The following PLXNA1 variants were observed in gnomAD, a reference collection of about 807,000 sequenced individuals.
The protein encoded by PLXNA1 is plexin A1, also known as plexin-A1.
PLXNA1 carries 77 observed loss-of-function variants against 191.7 expected under a neutral mutation model. The ratio of observed to expected loss-of-function variants is 0.40; its 90% confidence interval spans 0.33 to 0.49. The LOEUF (loss-of-function observed/expected upper bound fraction) is 0.49. Among genes scored for constraint, PLXNA1 ranks in the 20% least tolerant of loss-of-function variants. PLXNA1 has a pLI of 0.63. For synonymous variants in PLXNA1, 1,137 were observed against 1,156.4 expected, an observed-to-expected ratio of 0.98 and a Z score of 0.34; for missense variants, 2,110 against 2,660.2, an observed-to-expected ratio of 0.79 and a Z score of 4.55.
At chr3:127,020,592 C>T (rs2079147540) in intron 21 of PLXNA1, among the ~76,000 whole-genome samples, 1 of 152,178 alleles carries the variant, frequency 6.6e-6, no homozygotes, top group African/African-American at 2.4e-5. Context: ...CACGGCTCTG[C>T]TCCATAAAGT....
In PLXNA1 at chr3:127,030,607, C is replaced by T. The variant is rs924238207; in HGVS notation, c.5231+195C>T. 3.9e-5 allele frequency among the ~76,000 whole-genome samples: 6 copies of T among 152,328 alleles called. 1 individual carries two copies. The South Asian group carries it at 6.2e-4, about 16-fold the overall frequency. On this transcript the variant is annotated intron_variant, in intron 29 of 31. Transcript: ENST00000393409. ...TGCCTGTGCCCCTTGACCCACGGCTCGCCCTCTGCTCCAGCCGCTGAGCCC... is the reference window on the plus strand; with the variant it reads ...TGCCTGTGCCCCTTGACCCACGGCTTGCCCTCTGCTCCAGCCGCTGAGCCC...
At position 126,985,526 on chromosome 3, in the gene PLXNA1, C is replaced by T. The variant is rs1176316474; in HGVS notation, c.-74+2239C>T. Among the ~76,000 whole-genome samples, 3 of 152,040 alleles carry T rather than the reference C, an allele frequency of 2.0e-5. No homozygotes were observed. In the East Asian group the frequency reaches 5.8e-4, roughly 29 times the overall value. The stretch of plus-strand genomic sequence containing the variant: ...ACCCCCACCACGAATGCCCACCCTC[C>T]TGCACCAGCTCCCAGGCTACCTGGT... On this transcript the variant is annotated intron_variant, in intron 1 of 31. Transcript: ENST00000393409.
At chr3:127,015,973 G>A (rs2079120995) in intron 15 of PLXNA1, among the ~76,000 whole-genome samples, 1 of 152,190 alleles carries the variant, frequency 6.6e-6, no homozygotes, top group Admixed American at 6.5e-5. Context: ...GAGGGAAGGT[G>A]TCTGCCTGGC....
chr3:127,020,177 C>T (rs1410560542), intron 20 of PLXNA1, 25 bp from the exon 21 acceptor site: 1 of 1,609,960 alleles, frequency 6.2e-7, no homozygotes, highest in Non-Finnish European at 8.5e-7. Flanking sequence ...GGGCATGCTG[C>T]CCCTGACGCC....
intron 3 of PLXNA1, among the ~76,000 whole-genome samples, chr3:126,999,353 CCTT>C (rs2079028954): frequency 6.6e-6 from 1 of 152,218 alleles, no homozygotes; most frequent in African/African-American, 2.4e-5. Flanking sequence ...CTTGTCCTGT[CCTT>C]CTCCCAGCCC....
At chr3:127,013,483 C>T (rs921358866) in intron 10 of PLXNA1, among the ~76,000 whole-genome samples, 3 of 152,208 alleles carry the variant, frequency 2.0e-5, no homozygotes, top group Admixed American at 1.3e-4. Flanking sequence ...GAGTCCTAGC[C>T]AGGCTCCCGG....
In PLXNA1 at chr3:127,022,856, G is replaced by T. The variant is rs568049595; in HGVS notation, c.4362+38G>T. On this transcript the variant is annotated intron_variant, in intron 23 of 31. Coordinates refer to ENST00000393409, the MANE Select transcript of PLXNA1 (RefSeq NM_032242.4). ...GGGAGGAAGCAGGTGTCAGAGGCAG[G>T]TGAACAGCGGGAGGGGAAAACGGAG... is the stretch of plus-strand genomic sequence containing the variant. The T allele has an allele frequency of 4.7e-5, 73 of 1,543,428 alleles. No homozygotes were observed. The Admixed American group carries it at 5.5e-4, about 12-fold the overall frequency.
rs1176765549 is a variant in PLXNA1 at position 127,016,657 on chromosome 3, G to A, written c.3155G>A (p.Arg1052Lys). The change falls in exon 16 of 32, where the codon AGG becomes AAG. Residue 1052 changes from arginine (R) to lysine (K), a missense_variant. Physicochemically the swap from Arg to Lys is conservative, Grantham distance 26. Around this residue, in one of 4 missense-constraint regions of PLXNA1, gnomAD observed 644 missense variants for 714.3 expected, o/e 0.90. Coordinates refer to ENST00000393409, the MANE Select transcript of PLXNA1 (RefSeq NM_032242.4). ...YNYTEDPTILRIDPEWSINSG... is the reference protein window; with the variant it reads ...YNYTEDPTILKIDPEWSINSG... ...TACACCGAGGACCCCACCATCCTGA[G>A]GATCGACCCCGAGTGGAGCATCAAC... The A allele has an allele frequency of 1.2e-6, 2 of 1,614,014 alleles. No homozygotes were observed. The highest frequency in any genetic ancestry group is 1.1e-5 in the South Asian group (1 of 91,084).
Position 127,017,679 on chromosome 3 carries a change from C to T in PLXNA1, c.3516+15C>T, listed in dbSNP as rs144259849. On this transcript the variant is annotated intron_variant, in intron 18 of 31. Transcript: ENST00000393409. ...TCATCCTCAAGGTGGGTCACCATTG[C>T]CCGTAGGCTGGGCCAAGCCAGGGAA... 51 of 1,613,262 alleles carry T rather than the reference C, an allele frequency of 3.2e-5. 2 individuals are homozygous for T. The Middle Eastern group carries it at 6.6e-4, about 21-fold the overall frequency.
chr3:127,029,905 C>G lies in PLXNA1; in HGVS notation c.4902C>G (p.Asp1634Glu). The change falls in exon 28 of 32, where the codon GAC becomes GAG. Residue 1634 changes from aspartate (D) to glutamate (E), a missense_variant. Asp to Glu is a conservative substitution (Grantham distance 45). Around this residue, in one of 4 missense-constraint regions of PLXNA1, gnomAD observed 559 missense variants for 911.5 expected, o/e 0.61. Coordinates refer to ENST00000393409, the MANE Select transcript of PLXNA1 (RefSeq NM_032242.4). Reference sequence around the variant, plus strand: ...TGCTGCGCACGGCCAGCAGCCCCGACAGCCTGCGCTCGCGCACGCCCATGA... The same window carrying G: ...TGCTGCGCACGGCCAGCAGCCCCGAGAGCCTGCGCTCGCGCACGCCCATGA... ...ESMLRTASSPDSLRSRTPMIT... is the reference protein window; with the variant it reads ...ESMLRTASSPESLRSRTPMIT... 6.2e-7 allele frequency: 1 copy of G among 1,611,984 alleles called. No homozygotes were observed. The highest frequency in any genetic ancestry group is 8.5e-7 in the Non-Finnish European group (1 of 1,178,980).
chr3:127,023,685 G>A (rs1340452051), intron 23 of PLXNA1, among the ~76,000 whole-genome samples: 1 of 152,372 alleles, frequency 6.6e-6, no homozygotes, highest in East Asian at 1.9e-4. Flanking sequence ...GCCAGATGCT[G>A]CTGAGCTCAG....
At chr3:127,000,833 C>A (rs2079036686) in intron 3 of PLXNA1, among the ~76,000 whole-genome samples, 1 of 152,174 alleles carries the variant, frequency 6.6e-6, no homozygotes, top group Non-Finnish European at 1.5e-5. Context: ...CAGTGTGGGG[C>A]CTGCACCTGC....
chr3:127,003,540 A>G, intron 4 of PLXNA1, 70 bp downstream of exon 4: 1 of 1,507,904 alleles, frequency 6.6e-7, no homozygotes, highest in South Asian at 1.3e-5. Flanking sequence ...CCAGTCACAG[A>G]GCAGTAGGGG....
intron 9 of PLXNA1, among the ~76,000 whole-genome samples, chr3:127,008,614 G>A (rs1196577968): frequency 6.6e-6 from 1 of 152,134 alleles, no homozygotes; most frequent in East Asian, 1.9e-4. Flanking sequence ...CTGTGGGTGT[G>A]GAGCCGGGAC....
At chr3:126,999,269 A>G (rs1434844458) in intron 3 of PLXNA1, among the ~76,000 whole-genome samples, 1 of 152,164 alleles carries the variant, frequency 6.6e-6, no homozygotes, top group African/African-American at 2.4e-5. Flanking sequence ...CTCTGCAGAA[A>G]GGCTGAGAAG....
At chr3:126,983,396 C>T (rs2078940646) in intron 1 of PLXNA1, among the ~76,000 whole-genome samples, 109 bp downstream of exon 1, 1 of 145,472 alleles carries the variant, frequency 6.9e-6, no homozygotes, top group African/African-American at 2.5e-5. Flanking sequence ...CGGCCTCCGG[C>T]GGCGGCCCTC....
At position 127,034,220 on chromosome 3, in the gene PLXNA1, C is replaced by G. The variant is rs1222653276; in HGVS notation, c.*203C>G. ...GGTGATGGTACCTGCCACACCACAG[C>G]TGCGCACACAGCTGCTTGCTCAGGG... On this transcript the variant is annotated 3_prime_UTR_variant, in exon 32 of 32. Transcript: ENST00000393409. 1 of 539,678 alleles carries G rather than the reference C, an allele frequency of 1.9e-6. No homozygotes were observed. Among genetic ancestry groups the G allele is most frequent in the Non-Finnish European group, 3.3e-6 (1 of 301,528 alleles). The allele number at this position is 539,678 out of a possible 1,614,324, so 33.4% of individuals were successfully genotyped here.
At chr3:126,990,698 G>A (rs2078985855) in intron 2 of PLXNA1, among the ~76,000 whole-genome samples, 1 of 152,210 alleles carries the variant, frequency 6.6e-6, no homozygotes, top group African/African-American at 2.4e-5. Context: ...GACTGCAAGG[G>A]CCCCTCAGTC....
At chr3:127,003,632 C>T (rs968913995) in intron 4 of PLXNA1, among the ~76,000 whole-genome samples, 162 bp downstream of exon 4, 2 of 152,198 alleles carry the variant, frequency 1.3e-5, no homozygotes, top group Non-Finnish European at 2.9e-5. Flanking sequence ...TCCCTGCAGA[C>T]TTGTGGGCTC....
Sources: gnomAD v4.1 joint callset for allele counts (sites outside exome capture counted in the v4.1 genomes callset) on GRCh38, gnomAD v4.1.1 for gene constraint, gnomAD v4.1.1 regional missense constraint, MANE v1.5 for transcripts, NCBI Gene and HGNC (gene_info 2026-07-23, HGNC 2026-07-21) for gene names.